The following FBXO38 variants were observed in gnomAD, a reference collection of about 807,000 sequenced individuals.
FBXO38 encodes the protein F-box only protein 38.
In FBXO38, 53 loss-of-function variants were observed where a neutral mutation model predicts 131.9. The ratio of observed to expected loss-of-function variants is 0.40; its 90% confidence interval spans 0.32 to 0.51. FBXO38 has a LOEUF of 0.51. FBXO38 is among the 20% of genes least tolerant of loss of function. The probability of loss-of-function intolerance (pLI) is 0.53; values close to 1 mark genes in which losing one functional copy is unlikely to be tolerated. For missense variants in FBXO38, 1,076 were observed against 1,475.6 expected (o/e 0.73, Z 4.44); for synonymous variants, 452 against 505.6 (o/e 0.89, Z 1.42).
intron 12 of FBXO38, among the ~76,000 whole-genome samples, chr5:148,423,535 C>T (rs1232752858): frequency 6.6e-6 from 1 of 152,142 alleles, no homozygotes; most frequent in Non-Finnish European, 1.5e-5. Context: ...GGTCATTTCT[C>T]ATTTTGGCAA....
At chr5:148,413,936 T>C (rs573164602) in intron 9 of FBXO38, 200 bp from the exon 10 acceptor site, 1 of 423,258 alleles carries the variant, frequency 2.4e-6, no homozygotes, top group African/African-American at 2.0e-5. Flanking sequence ...ACTTTTAATA[T>C]AATTTATTAT....
At chr5:148,437,403 A>G (rs1246838324) in intron 17 of FBXO38, among the ~76,000 whole-genome samples, 3 of 152,212 alleles carry the variant, frequency 2.0e-5, no homozygotes, top group Non-Finnish European at 4.4e-5. Flanking sequence ...CCAAGTCACA[A>G]AAGGAGAAAA....
At chr5:148,426,501 G>A (rs536863099) in intron 14 of FBXO38, among the ~76,000 whole-genome samples, 1 of 152,244 alleles carries the variant, frequency 6.6e-6, no homozygotes, top group South Asian at 2.1e-4. Flanking sequence ...ACTTTATAAT[G>A]TGGTTGAAAG....
At chr5:148,422,310 A>G (rs1254513244) in intron 12 of FBXO38, among the ~76,000 whole-genome samples, 1 of 152,166 alleles carries the variant, frequency 6.6e-6, no homozygotes, top group Non-Finnish European at 1.5e-5. Context: ...TGAACATGAC[A>G]GCTGGTGCCT....
rs1243428172 is a variant in FBXO38 at position 148,394,816 on chromosome 5, A to T, written c.40A>T (p.Asn14Tyr). 1 of 1,603,180 alleles carries T rather than the reference A, an allele frequency of 6.2e-7. No homozygotes were observed. Among genetic ancestry groups the T allele is most frequent in the Admixed American group, 1.7e-5 (1 of 57,944 alleles). The stretch of plus-strand genomic sequence containing the variant: ...GAAAAGTGTGAAAACATGTATCATG[A>T]ATAATGAAATTCCAGAAGAAATGAC... ...RKKSVKTCIM[N>Y]NEIPEEMTAD... The change falls in exon 2 of 22, where the codon AAT becomes TAT. Residue 14 changes from asparagine to tyrosine, a missense_variant. Transcript: ENST00000340253.
At chr5:148,384,632 A>T (rs1158801076) in intron 1 of FBXO38, 1 of 150,078 alleles carries the variant, frequency 6.7e-6, no homozygotes, top group Non-Finnish European at 1.5e-5. Flanking sequence ...TCCGTGCCCT[A>T]GCTGTGGAAA....
chr5:148,404,803 C>T lies in FBXO38; in HGVS notation c.711C>T (p.Phe237=), dbSNP rs199969692. 1.0e-5 allele frequency: 16 copies of T among 1,605,724 alleles called. No homozygotes were observed. The highest frequency in any genetic ancestry group is 6.9e-5 in the Admixed American group (4 of 58,178). ...TCCTTTGTATCAGCTTAAGAACTTTCGTCATGAGGAACTGTGCAGGTAATG... is the reference window on the plus strand; with the variant it reads ...TCCTTTGTATCAGCTTAAGAACTTTTGTCATGAGGAACTGTGCAGGTAATG... ...KDFLCISLRT[F]VMRNCAGPTN... The change falls in exon 6 of 22, where the codon TTC becomes TTT. Residue 237 remains phenylalanine, a synonymous_variant. Transcript: ENST00000340253.
At chr5:148,435,299 G>C (rs1341372004) in intron 17 of FBXO38, among the ~76,000 whole-genome samples, 1 of 152,078 alleles carries the variant, frequency 6.6e-6, no homozygotes, top group Non-Finnish European at 1.5e-5. Flanking sequence ...CATCAATAAG[G>C]CTGTTTTGCT....
chr5:148,433,585 ATAAAC>A, intron 16 of FBXO38, 45 bp from the exon 17 acceptor site: 1 of 1,553,066 alleles, frequency 6.4e-7, no homozygotes, highest in Non-Finnish European at 8.8e-7. Context: ...AATAATGCAC[ATAAAC>A]TAAAGTTTGT....
chr5:148,420,377 T>C (rs1266530616), intron 12 of FBXO38, among the ~76,000 whole-genome samples: 1 of 152,162 alleles, frequency 6.6e-6, no homozygotes, highest in Non-Finnish European at 1.5e-5. Flanking sequence ...TCCTCATGCC[T>C]CAGCCTCCCA....
Position 148,417,100 on chromosome 5 carries a change from A to G in FBXO38, c.1514A>G (p.Asn505Ser), listed in dbSNP as rs1172615649. ...NNDDNNAQNNNANIHDNNHHH... is the reference protein window; with the variant it reads ...NNDDNNAQNNSANIHDNNHHH... ...GACGATAATAATGCCCAGAATAACA[A>G]TGCCAACATCCACGACAACAATCAC... Residue 505 changes from asparagine to serine, a missense_variant, in exon 12 of 22, where the codon AAT becomes AGT. Coordinates refer to ENST00000340253, the MANE Select transcript of FBXO38 (RefSeq NM_205836.3). The G allele has an allele frequency of 5.0e-6, 8 of 1,613,568 alleles. No homozygotes were observed. Among genetic ancestry groups the G allele is most frequent in the Non-Finnish European group, 5.9e-6 (7 of 1,179,652 alleles).
rs545819462 is a variant in FBXO38 at position 148,394,898 on chromosome 5, T to G, written c.122T>G (p.Ile41Ser). The change falls in exon 2 of 22, where the codon ATT becomes AGT. Residue 41 changes from isoleucine (I) to serine (S), a missense_variant. Around this residue, in one of 8 missense-constraint regions of FBXO38, gnomAD observed 58 missense variants for 53.1 expected, o/e 1.09. Coordinates refer to ENST00000340253, the MANE Select transcript of FBXO38 (RefSeq NM_205836.3). ...NQLSHEVLCHIFRYLPLQDIM... is the reference protein window; with the variant it reads ...NQLSHEVLCHSFRYLPLQDIM... ...CTTTCACATGAAGTACTTTGCCATA[T>G]TTTTAGGTAAGATTGTGTTTGGTTG... The G allele has an allele frequency of 1.3e-6, 2 of 1,585,236 alleles. No individual in the cohort carries two copies. The highest frequency in any genetic ancestry group is 1.4e-5 in the African/African-American group (1 of 73,472).
At chr5:148,409,090 TG>T in intron 7 of FBXO38, 33 bp from the exon 8 acceptor site, 1 of 1,218,496 alleles carries the variant, frequency 8.2e-7, no homozygotes, top group Non-Finnish European at 1.2e-6. Context: ...AAAAATGCTA[TG>T]GTCAAACACT....
intron 9 of FBXO38, among the ~76,000 whole-genome samples, chr5:148,412,318 T>G (rs1252413840): frequency 6.6e-6 from 1 of 152,136 alleles, no homozygotes. Context: ...TTATGGACGA[T>G]ATCATGAGGT....
At chr5:148,394,961 G>T (rs1758403447) in intron 2 of FBXO38, 57 bp downstream of exon 2, 1 of 1,453,258 alleles carries the variant, frequency 6.9e-7, no homozygotes. Flanking sequence ...AAACCCTGAG[G>T]CAGTGCTGTC....
chr5:148,414,079 A>G, intron 9 of FBXO38, 57 bp from the exon 10 acceptor site: 1 of 1,513,740 alleles, frequency 6.6e-7, no homozygotes, highest in East Asian at 2.3e-5. Context: ...AGTTGGTAAC[A>G]CTCCCTAACA....
chr5:148,395,143 T>G lies in FBXO38; in HGVS notation c.128+239T>G, dbSNP rs11957411. ...TAGACAAAATATTTCTTTTGTCACA[T>G]ATAGTTCTGTTGGACAGCCTTTCTC... On this transcript the variant is annotated intron_variant, in intron 2 of 21. Transcript: ENST00000340253. 0.15 allele frequency among the ~76,000 whole-genome samples: 22,682 copies of G among 152,184 alleles called. 3,752 individuals are homozygous for G. The highest frequency in any genetic ancestry group is 0.39 in the African/African-American group (16,287 of 41,488).
At chr5:148,392,994 C>T (rs995178030) in intron 1 of FBXO38, among the ~76,000 whole-genome samples, 41 of 152,048 alleles carry the variant, frequency 2.7e-4, no homozygotes, top group African/African-American at 9.7e-4. Context: ...TTTCTTTTAG[C>T]TTGGGCAGTT....
intron 2 of FBXO38, among the ~76,000 whole-genome samples, chr5:148,397,104 T>G (rs978178719): frequency 1.3e-5 from 2 of 152,198 alleles, no homozygotes; most frequent in Non-Finnish European, 2.9e-5. Context: ...ACAATTTTGT[T>G]TCATTTTTTA....
Sources: gnomAD v4.1 joint callset for allele counts (sites outside exome capture counted in the v4.1 genomes callset) on GRCh38, gnomAD v4.1.1 for gene constraint, gnomAD v4.1.1 regional missense constraint, MANE v1.5 for transcripts, NCBI Gene and HGNC (gene_info 2026-07-23, HGNC 2026-07-21) for gene names.